CAST: variants seen among roughly 807,000 people sequenced by gnomAD.
CAST encodes calpastatin, also known as MIR583 host.
Under a neutral mutation model 119.6 loss-of-function variants are expected in CAST, and 76 were observed. The observed-to-expected ratio is 0.64, with a 90% CI of 0.53 to 0.77. The LOEUF (loss-of-function observed/expected upper bound fraction) is 0.77. Ranked by LOEUF, CAST falls within the 30% of genes least tolerant of loss-of-function variation. The pLI, the probability that CAST is intolerant of heterozygous loss-of-function variation, is 0.00. For synonymous variants in CAST, 319 were observed against 331.6 expected (o/e 0.96, Z 0.41); for missense variants, 953 against 946.5 (o/e 1.01, Z -0.09).
the CAST span, among the ~76,000 whole-genome samples, chr5:96,277,304 C>G: frequency 6.6e-6 from 1 of 152,102 alleles, no homozygotes; most frequent in South Asian, 2.1e-4. Flanking sequence ...CTTCCACAAG[C>G]AATGTCTAAA....
the CAST span, among the ~76,000 whole-genome samples, chr5:96,351,355 G>T: frequency 6.6e-6 from 1 of 152,102 alleles, no homozygotes. Context: ...TCCTTTTCAG[G>T]TGGAAGTTTA....
At chr5:96,724,516 CAG>C (rs1758889260) in intron 4 of CAST, among the ~76,000 whole-genome samples, 1 of 152,086 alleles carries the variant, frequency 6.6e-6, no homozygotes, top group Non-Finnish European at 1.5e-5. Context: ...AAAAATATTC[CAG>C]AAGCATCTAC....
chr5:96,403,296 G>T, the CAST span, among the ~76,000 whole-genome samples: 3 of 151,948 alleles, frequency 2.0e-5, no homozygotes, highest in Non-Finnish European at 4.4e-5. Context: ...TTAAGTTCTA[G>T]GGTACATGTG....
At chr5:96,596,308 T>C (rs1351817177) in intron 1 of CAST, among the ~76,000 whole-genome samples, 2 of 152,002 alleles carry the variant, frequency 1.3e-5, no homozygotes, top group East Asian at 3.9e-4. Flanking sequence ...TGGAGCAATG[T>C]GTTTTGGAGA....
the CAST span, among the ~76,000 whole-genome samples, chr5:96,015,684 G>A: frequency 6.6e-6 from 1 of 152,072 alleles, no homozygotes; most frequent in Non-Finnish European, 1.5e-5. Context: ...AATATATGTC[G>A]AGCACATTGC....
the CAST span, among the ~76,000 whole-genome samples, chr5:96,038,000 G>A: frequency 3.9e-5 from 6 of 152,140 alleles, no homozygotes; most frequent in Non-Finnish European, 8.8e-5. Context: ...GGAGTAGTTA[G>A]AGTTTTTATG....
the CAST span, among the ~76,000 whole-genome samples, chr5:96,396,680 A>C: frequency 1.3e-5 from 2 of 152,218 alleles, no homozygotes; most frequent in South Asian, 4.1e-4. Context: ...ACCTACAGAG[A>C]ATGTTGGAGA....
At chr5:96,176,591 G>A in the CAST span, among the ~76,000 whole-genome samples, 3 of 152,190 alleles carry the variant, frequency 2.0e-5, no homozygotes, top group Admixed American at 2.0e-4. Flanking sequence ...CACTTGAGAA[G>A]TCACAGGTTA....
the CAST span, among the ~76,000 whole-genome samples, chr5:96,452,409 G>A: frequency 4.6e-5 from 7 of 151,934 alleles, no homozygotes; most frequent in East Asian, 5.8e-4. Flanking sequence ...ACCAAACACC[G>A]CATGTTCTCA....
At chr5:96,727,434 A>G (rs1759463248) in intron 5 of CAST, 55 bp from the exon 6 acceptor site, 1 of 921,258 alleles carries the variant, frequency 1.1e-6, no homozygotes. Flanking sequence ...TTTGTAAACT[A>G]TGTCTATCTT....
chr5:96,322,764 A>T, the CAST span, among the ~76,000 whole-genome samples: 2 of 152,092 alleles, frequency 1.3e-5, no homozygotes, highest in Non-Finnish European at 2.9e-5. Context: ...CTTTATATTC[A>T]AGTTCTAAAT....
At chr5:96,440,086 C>T in the CAST span, among the ~76,000 whole-genome samples, 7 of 151,700 alleles carry the variant, frequency 4.6e-5, no homozygotes, top group African/African-American at 1.7e-4. Flanking sequence ...TCTTTATAAA[C>T]TAGAAAATGT....
At chr5:96,354,487 G>A in the CAST span, among the ~76,000 whole-genome samples, 2 of 151,820 alleles carry the variant, frequency 1.3e-5, no homozygotes, top group Non-Finnish European at 2.9e-5. Context: ...TGCAACAAAT[G>A]CTGCCAGTTA....
At chr5:96,041,112 C>G in the CAST span, among the ~76,000 whole-genome samples, 3 of 151,878 alleles carry the variant, frequency 2.0e-5, no homozygotes, top group Admixed American at 6.6e-5. Context: ...GCATAAATAC[C>G]CATTCCTTAA....
chr5:96,247,873 C>T, the CAST span: 1 of 152,380 alleles, frequency 6.6e-6, no homozygotes, highest in East Asian at 1.9e-4. Flanking sequence ...ACCCTTCTGG[C>T]TGCTTTCCCA....
chr5:96,091,479 A>ACAG, the CAST span, among the ~76,000 whole-genome samples: 2 of 146,068 alleles, frequency 1.4e-5, no homozygotes, highest in South Asian at 4.4e-4. Flanking sequence ...TGCTGGAATT[A>ACAG]CAGGCATGAG....
the CAST span, chr5:96,425,879 G>A: frequency 5.0e-6 from 8 of 1,612,762 alleles, no homozygotes; most frequent in Admixed American, 1.3e-4. Context: ...GAGTCCCTTA[G>A]AGCTGAACGT....
chr5:96,405,127 A>G, the CAST span, among the ~76,000 whole-genome samples: 1 of 152,220 alleles, frequency 6.6e-6, no homozygotes, highest in Non-Finnish European at 1.5e-5. Flanking sequence ...AATTGAGAAC[A>G]GAAATCTTAA....
intron 2 of CAST, among the ~76,000 whole-genome samples, chr5:96,691,519 A>G (rs1041905383): frequency 1.3e-5 from 2 of 152,198 alleles, no homozygotes; most frequent in African/African-American, 4.8e-5. Context: ...ATGTGTACCA[A>G]CCAGACCCAC....
Sources: gnomAD v4.1 joint callset for allele counts (sites outside exome capture counted in the v4.1 genomes callset) on GRCh38, gnomAD v4.1.1 for gene constraint, MANE v1.5 for transcripts, NCBI Gene and HGNC (gene_info 2026-07-23, HGNC 2026-07-21) for gene names.